Variants in ZNF608 observed in about 807,000 individuals in gnomAD.
ZNF608 encodes the protein renal carcinoma antigen NY-REN-36.
A neutral mutation model predicts 109.0 loss-of-function variants in ZNF608; 12 were observed. The observed-to-expected ratio is 0.11, with a 90% CI of 0.07 to 0.18. The LOEUF (loss-of-function observed/expected upper bound fraction) is 0.18, where lower values mean the gene tolerates loss of function less well. ZNF608 is among the 10% of genes least tolerant of loss of function. The pLI, the probability that ZNF608 is intolerant of heterozygous loss-of-function variation, is 1.00. For missense variants in ZNF608, 1,707 were observed against 1,879.3 expected, an observed-to-expected ratio of 0.91 and a Z score of 1.70; for synonymous variants, 732 against 717.4, an observed-to-expected ratio of 1.02 and a Z score of -0.33.
At chr5:124,703,669 G>A (rs922249536) in intron 2 of ZNF608, among the ~76,000 whole-genome samples, 3 of 152,174 alleles carry the variant, frequency 2.0e-5, no homozygotes, top group Non-Finnish European at 4.4e-5. Context: ...TCGAGAGGCT[G>A]AGGTGGGAGG....
intron 2 of ZNF608, among the ~76,000 whole-genome samples, chr5:124,706,593 T>A (rs1009405661): frequency 1.3e-5 from 2 of 152,168 alleles, no homozygotes; most frequent in African/African-American, 4.8e-5. Flanking sequence ...ACAACTGGAA[T>A]AAAATATCAG....
At chr5:124,671,319 C>G (rs1751705035) in intron 3 of ZNF608, among the ~76,000 whole-genome samples, 1 of 152,170 alleles carries the variant, frequency 6.6e-6, no homozygotes, top group East Asian at 1.9e-4. Flanking sequence ...CTGTGTATCT[C>G]CTGCCCAATT....
intron 3 of ZNF608, among the ~76,000 whole-genome samples, chr5:124,678,416 C>T (rs1316689777): frequency 2.6e-5 from 4 of 152,140 alleles, no homozygotes; most frequent in Non-Finnish European, 5.9e-5. Context: ...ATAGAACCAC[C>T]TGGCAGAGTT....
rs767440834 is a variant in ZNF608, at chr5:124,648,898, A to G, written c.1486T>C (p.Ser496Pro). Reference sequence around the variant, plus strand: ...GGCTTGTTTTTCCTTTTGTTGGTGGAGGAAGGGCTGGCTTTGATATCCTCA... The same window carrying G: ...GGCTTGTTTTTCCTTTTGTTGGTGGGGGAAGGGCTGGCTTTGATATCCTCA... The part of the protein sequence containing the change: ...AAEDIKASPS[S>P]TNKRKNKPPM... The change falls in exon 5 of 10, where the codon TCC becomes CCC. Residue 496 changes from serine (S) to proline (P), a missense_variant. Ser to Pro is a moderately conservative substitution (Grantham distance 74). This residue lies in a region of ZNF608 where 166 missense variants were observed against 204.2 expected (regional missense o/e 0.81). Transcript: ENST00000513986. 3.7e-6 allele frequency: 6 copies of G among 1,613,916 alleles called. No individual in the cohort carries two copies. The highest frequency in any genetic ancestry group is 4.2e-6 in the Non-Finnish European group (5 of 1,179,936).
intron 2 of ZNF608, among the ~76,000 whole-genome samples, chr5:124,731,762 G>T (rs548131250): frequency 1.3e-5 from 2 of 152,164 alleles, no homozygotes; most frequent in Admixed American, 6.5e-5. Flanking sequence ...GGAGGCGGAG[G>T]TTGCAGCGAG....
intron 2 of ZNF608, among the ~76,000 whole-genome samples, chr5:124,705,704 G>A (rs1284222138): frequency 6.6e-6 from 1 of 152,184 alleles, no homozygotes; most frequent in Non-Finnish European, 1.5e-5. Flanking sequence ...GGGAAATACT[G>A]CTTCTTTCAT....
intron 2 of ZNF608, among the ~76,000 whole-genome samples, chr5:124,731,480 G>A (rs193130398): frequency 0.013 from 2,031 of 152,076 alleles, 47 homozygotes; most frequent in African/African-American, 0.046. Context: ...CAAAGTGCTG[G>A]GATTACAGGC....
In ZNF608 at chr5:124,746,386, A is replaced by G; in HGVS notation, c.-375T>C. 1 of 985,328 alleles carries G rather than the reference A, an allele frequency of 1.0e-6. No homozygotes were observed. The highest frequency in any genetic ancestry group is 1.2e-6 in the Non-Finnish European group (1 of 829,934). The allele number at this position is 985,328 out of a possible 1,614,324, so 61.0% of individuals were successfully genotyped here. On this transcript the variant is annotated 5_prime_UTR_variant, in exon 1 of 10. Coordinates refer to ENST00000513986, the MANE Select transcript of ZNF608 (RefSeq NM_020747.3). Reference sequence around the variant, plus strand: ...CACCTCCCCACCCCCCTTTTGGCAAACGAATCAGTCCTTTTCTCCTTAAAA... The same window carrying G: ...CACCTCCCCACCCCCCTTTTGGCAAGCGAATCAGTCCTTTTCTCCTTAAAA...
At chr5:124,723,226 T>A (rs929962315) in intron 2 of ZNF608, among the ~76,000 whole-genome samples, 1 of 151,960 alleles carries the variant, frequency 6.6e-6, no homozygotes, top group African/African-American at 2.4e-5. Flanking sequence ...CCAGGCTGGT[T>A]TTGCATTCCT....
At position 124,644,414 on chromosome 5, in the gene ZNF608, G is replaced by A. The variant is rs560035590; in HGVS notation, c.3953C>T (p.Thr1318Ile). Residue 1318 changes from threonine (T) to isoleucine (I), a missense_variant, in exon 6 of 10, where the codon ACT becomes ATT. Around this residue, in one of 7 missense-constraint regions of ZNF608, gnomAD observed 1,073 missense variants for 1,133.5 expected, o/e 0.95. Coordinates refer to ENST00000513986, the MANE Select transcript of ZNF608 (RefSeq NM_020747.3). ...ESKLKNDDRK[T>I]PVNWKDSRGT... ...CCGAGAGTCCTTCCAGTTCACAGGAGTCTTTCGATCATCATTTTTCAGCTT... is the reference window on the plus strand; with the variant it reads ...CCGAGAGTCCTTCCAGTTCACAGGAATCTTTCGATCATCATTTTTCAGCTT... 15 of 1,614,132 alleles carry A rather than the reference G, an allele frequency of 9.3e-6. No homozygotes were observed. In the East Asian group the frequency reaches 2.9e-4, roughly 31 times the overall value.
rs572016779 is a variant in ZNF608 at position 124,647,570 on chromosome 5, G to A, written c.2814C>T (p.Ala938=). 10 of 1,614,204 alleles carry A rather than the reference G, an allele frequency of 6.2e-6. No homozygotes were observed. In the South Asian group the frequency reaches 1.1e-4, roughly 18 times the overall value. Residue 938 remains alanine, a synonymous_variant, in exon 5 of 10, where the codon GCC becomes GCT. Coordinates refer to ENST00000513986, the MANE Select transcript of ZNF608 (RefSeq NM_020747.3). ...ESSAAKTSSP[A]YSDISDAADD... ...CAGCAGCATCAGATATGTCTGAATA[G>A]GCCGGGCTGCTTGTCTTTGCAGCTG...
intron 2 of ZNF608, among the ~76,000 whole-genome samples, chr5:124,709,170 C>CAAAAAAAA (rs1156276798): frequency 0.046 from 1,497 of 32,708 alleles, 219 homozygotes; most frequent in South Asian, 0.1. Context: ...GACTCTGTCT[C>CAAAAAAAA]AAAAAAAAAA....
chr5:124,690,569 C>T (rs79416132), intron 3 of ZNF608, among the ~76,000 whole-genome samples: 2,960 of 152,158 alleles, frequency 0.019, 52 homozygotes, highest in Non-Finnish European at 0.027. Flanking sequence ...GTATCCAGGT[C>T]GGACACAGTG....
rs1749585388 is a variant in ZNF608 at position 124,744,979 on chromosome 5, T to C, written c.11A>G (p.Asn4Ser). The change falls in exon 2 of 10, where the codon AAC becomes AGC. Residue 4 changes from asparagine to serine, a missense_variant. By Grantham distance (46) the Asn-to-Ser change is conservative. Transcript: ENST00000513986. The surrounding 1 kb of genome is among the most constrained non-coding windows in gnomAD (Gnocchi z 4.5). ...CACACCTTTTCCTGCAGTAGAAATG[T>C]TCACTGACATCCTGAAGATGAGCTC... The part of the protein sequence containing the change: MSV[N>S]ISTAGKGVDP... The C allele has an allele frequency of 6.2e-7, 1 of 1,607,752 alleles. No homozygotes were observed. Among genetic ancestry groups the C allele is most frequent in the South Asian group, 1.1e-5 (1 of 89,834 alleles).
intron 3 of ZNF608, among the ~76,000 whole-genome samples, chr5:124,679,781 G>A (rs1752118336): frequency 6.6e-6 from 1 of 152,198 alleles, no homozygotes; most frequent in African/African-American, 2.4e-5. Flanking sequence ...CCGTGGCTTG[G>A]TGTTACCACA....
rs1275761974 is a variant in ZNF608 at position 124,641,265 on chromosome 5, A to G, written c.4437T>C (p.Tyr1479=). The G allele has an allele frequency of 1.2e-6, 2 of 1,613,768 alleles. No homozygotes were observed. The highest frequency in any genetic ancestry group is 2.2e-5 in the East Asian group (1 of 44,874). Residue 1479 remains tyrosine, a synonymous_variant, in exon 8 of 10, where the codon TAT becomes TAC. Coordinates refer to ENST00000513986, the MANE Select transcript of ZNF608 (RefSeq NM_020747.3). ...AGAGCTGCTGACCTTGAAAAGGGTC[A>G]TATTGACCCGGGATTAGCGGGTAAC... ...GMGYPLIPGQ[Y]DPFQGLTSAA... is the part of the protein sequence containing the mutation.
intron 3 of ZNF608, among the ~76,000 whole-genome samples, chr5:124,683,565 GC>G (rs576559223): frequency 2.2e-4 from 34 of 152,256 alleles, no homozygotes; most frequent in African/African-American, 6.7e-4. Context: ...AGAGGAAAAT[GC>G]CAGTTCAAAG....
At chr5:124,693,854 T>C (rs768164875) in intron 3 of ZNF608, among the ~76,000 whole-genome samples, 4 of 151,926 alleles carry the variant, frequency 2.6e-5, no homozygotes, top group Non-Finnish European at 5.9e-5. Flanking sequence ...GACAATTCCT[T>C]CCTTTCTCTC....
chr5:124,746,268 C>A lies in ZNF608; in HGVS notation c.-257G>T, dbSNP rs2149911602. ...TTTCCCACTCCACTCGGCAAACAAGCCTGTGCCTCATTTTACTTAAACACC... is the reference window on the plus strand; with the variant it reads ...TTTCCCACTCCACTCGGCAAACAAGACTGTGCCTCATTTTACTTAAACACC... On this transcript the variant is annotated 5_prime_UTR_variant, in exon 1 of 10. Transcript: ENST00000513986. The A allele has an allele frequency of 4.1e-6, 4 of 985,364 alleles. No individual in the cohort carries two copies. The highest frequency in any genetic ancestry group is 4.7e-5 in the South Asian group (1 of 21,278). 61.0% of individuals were successfully genotyped at this position (985,364 alleles called of 1,614,324 possible).
Sources: allele counts gnomAD v4.1 joint callset (sites outside exome capture counted in the v4.1 genomes callset), GRCh38; gene constraint gnomAD v4.1.1; regional missense constraint gnomAD v4.1.1; non-coding constraint Gnocchi (gnomAD v3.1); transcripts MANE v1.5; gene names NCBI Gene and HGNC (gene_info 2026-07-23, HGNC 2026-07-21).